COX10: variants seen among roughly 807,000 people sequenced by gnomAD.
The protein encoded by COX10 is protoheme IX farnesyltransferase, mitochondrial.
COX10 carries 27 observed loss-of-function variants against 37.3 expected under a neutral mutation model. The observed-to-expected ratio is 0.72, with a 90% CI of 0.53 to 1.00. The LOEUF (loss-of-function observed/expected upper bound fraction) is 1.00. COX10 is among the 50% of genes least tolerant of loss of function. COX10 has a pLI of 0.00. For synonymous variants in COX10, 222 were observed against 229.1 expected, an observed-to-expected ratio of 0.97 and a Z score of 0.28; for missense variants, 475 against 563.2, an observed-to-expected ratio of 0.84 and a Z score of 1.59.
chr17:14,122,004 C>T (rs961984992), intron 4 of COX10, among the ~76,000 whole-genome samples: 1 of 151,942 alleles, frequency 6.6e-6, no homozygotes, highest in Non-Finnish European at 1.5e-5. Context: ...CGGCTTGGGT[C>T]GTGTTGTTGA....
chr17:14,129,346 TG>T (rs1312993355), intron 4 of COX10, among the ~76,000 whole-genome samples: 4 of 151,996 alleles, frequency 2.6e-5, no homozygotes, highest in African/African-American at 9.7e-5. Flanking sequence ...ATAATAAATG[TG>T]TATAAATAAT....
At chr17:14,193,074 T>C (rs946697806) in intron 6 of COX10, among the ~76,000 whole-genome samples, 1 of 152,216 alleles carries the variant, frequency 6.6e-6, no homozygotes, top group Admixed American at 6.5e-5. Context: ...ATCCTGTAAA[T>C]GTCAGATTTT....
chr17:14,169,797 C>T (rs777557224), intron 5 of COX10, among the ~76,000 whole-genome samples: 1 of 152,150 alleles, frequency 6.6e-6, no homozygotes, highest in Non-Finnish European at 1.5e-5. Flanking sequence ...GTTTGTTTGT[C>T]CTCACCAAAA....
At chr17:14,189,899 T>C (rs1273485081) in intron 5 of COX10, among the ~76,000 whole-genome samples, 7 of 152,092 alleles carry the variant, frequency 4.6e-5, no homozygotes, top group Non-Finnish European at 1.0e-4. Context: ...GGTATTACCT[T>C]GGGGGAAATA....
In COX10 at chr17:14,069,533, G is replaced by T; in HGVS notation, c.-73G>T. 1.3e-6 allele frequency: 2 copies of T among 1,584,358 alleles called. No individual in the cohort carries two copies. Among genetic ancestry groups the T allele is most frequent in the Non-Finnish European group, 1.7e-6 (2 of 1,156,772 alleles). Reference sequence around the variant, plus strand: ...CTCCCACAGGGGGGCGGGGAAGGAAGATGGCGGCGCCCAGCGTCCCGTGAG... The same window carrying T: ...CTCCCACAGGGGGGCGGGGAAGGAATATGGCGGCGCCCAGCGTCCCGTGAG... On this transcript the variant is annotated 5_prime_UTR_variant, in exon 1 of 7. Transcript: ENST00000261643.
At chr17:14,081,868 A>T (rs1915302656) in intron 3 of COX10, among the ~76,000 whole-genome samples, 1 of 152,170 alleles carries the variant, frequency 6.6e-6, no homozygotes, top group Non-Finnish European at 1.5e-5. Flanking sequence ...GAAAAACTAG[A>T]TGAATGGTGG....
chr17:14,072,992 A>C (rs1280258700), intron 1 of COX10, among the ~76,000 whole-genome samples: 1 of 152,200 alleles, frequency 6.6e-6, no homozygotes, highest in African/African-American at 2.4e-5. Context: ...AAAGACAGAA[A>C]ATTTGACAGA....
rs141549844 is a variant in COX10, at chr17:14,076,951, G to T, written c.394G>T (p.Asp132Tyr). 5.6e-5 allele frequency: 91 copies of T among 1,614,088 alleles called. No individual in the cohort carries two copies. Among genetic ancestry groups the T allele is most frequent in the Non-Finnish European group, 7.0e-5 (83 of 1,180,032 alleles). Reference protein sequence around the residue: ...EPDSVIEDSIDVGKETKEEKR... With the variant: ...EPDSVIEDSIYVGKETKEEKR... ...AGACTCAGTAATTGAAGACTCAATAGATGTAGGGAAAGAGACAAAAGAGGA... is the reference window on the plus strand; with the variant it reads ...AGACTCAGTAATTGAAGACTCAATATATGTAGGGAAAGAGACAAAAGAGGA... The change falls in exon 3 of 7, where the codon GAT (aspartate) becomes TAT (tyrosine). Residue 132 changes from aspartate to tyrosine, a missense_variant. By Grantham distance (160) the Asp-to-Tyr change is radical. Around this residue, in one of 5 missense-constraint regions of COX10, gnomAD observed 242 missense variants for 242.5 expected, o/e 1.00. Transcript: ENST00000261643.
At chr17:14,184,022 C>T (rs2142257887) in intron 5 of COX10, among the ~76,000 whole-genome samples, 1 of 152,276 alleles carries the variant, frequency 6.6e-6, no homozygotes, top group Non-Finnish European at 1.5e-5. Context: ...TTTTTAAGTG[C>T]TTTATTTACA....
intron 5 of COX10, among the ~76,000 whole-genome samples, chr17:14,169,646 C>T (rs140288660): frequency 0.013 from 1,954 of 152,282 alleles, 12 homozygotes; most frequent in African/African-American, 0.023. Context: ...TCTGGCAAAT[C>T]GTTCTGGCTA....
At chr17:14,129,230 TTG>T (rs1916411435) in intron 4 of COX10, among the ~76,000 whole-genome samples, 1 of 151,958 alleles carries the variant, frequency 6.6e-6, no homozygotes, top group African/African-American at 2.4e-5. Flanking sequence ...GCTAGATATA[TTG>T]TGTTTAAATT....
At chr17:14,132,279 C>T (rs1371753618) in intron 4 of COX10, among the ~76,000 whole-genome samples, 1 of 151,896 alleles carries the variant, frequency 6.6e-6, no homozygotes, top group African/African-American at 2.4e-5. Context: ...GCCTAACATA[C>T]GTATATGATA....
At chr17:14,189,829 G>T (rs12941439) in intron 5 of COX10, among the ~76,000 whole-genome samples, 35,155 of 152,094 alleles carry the variant, frequency 0.23, 5,068 homozygotes, top group Admixed American at 0.32. Context: ...ATAAAGGCAA[G>T]GAATGTGTGT....
chr17:14,082,461 A>G (rs776264399), intron 3 of COX10, among the ~76,000 whole-genome samples: 15 of 152,210 alleles, frequency 9.9e-5, no homozygotes, highest in Non-Finnish European at 1.8e-4. Flanking sequence ...CTATTTTAAA[A>G]TAATTTTAAG....
chr17:14,074,399 C>T lies in COX10; in HGVS notation c.120C>T (p.Leu40=). 1 of 1,613,904 alleles carries T rather than the reference C, an allele frequency of 6.2e-7. No individual in the cohort carries two copies. Among genetic ancestry groups the T allele is most frequent in the Non-Finnish European group, 8.5e-7 (1 of 1,179,794 alleles). ...CCCCTCACAAGTTCTTACATCTTCT[C>T]AGGAATGTCAATAAGCAGTGGATTA... The part of the protein sequence containing the change: ...QDSPHKFLHL[L]RNVNKQWITF... Residue 40 remains leucine, a synonymous_variant, in exon 2 of 7, where the codon CTC becomes CTT. Transcript: ENST00000261643.
rs117411269 is a variant in COX10 at position 14,197,831 on chromosome 17, C to T, written c.928+5610C>T. ...TTCTGTCAGGGTAGTCAGGACTCTG[C>T]GGCCCAGCTGCTTCTGTGCACAGGA... On this transcript the variant is annotated intron_variant, in intron 6 of 6. Transcript: ENST00000261643. Among the ~76,000 whole-genome samples, 397 of 152,322 alleles carry T rather than the reference C, an allele frequency of 2.6e-3. 3 individuals are homozygous for T. Among genetic ancestry groups the T allele is most frequent in the Non-Finnish European group, 4.5e-3 (309 of 68,038 alleles).
At chr17:14,119,214 G>T (rs1916177224) in intron 4 of COX10, among the ~76,000 whole-genome samples, 1 of 152,124 alleles carries the variant, frequency 6.6e-6, no homozygotes, top group Admixed American at 6.5e-5. Flanking sequence ...CTCTGCTCTT[G>T]TGATTGCCAA....
chr17:14,135,688 A>T lies in COX10; in HGVS notation c.625-24189A>T, dbSNP rs78610828. On this transcript the variant is annotated intron_variant, in intron 4 of 6. Coordinates refer to ENST00000261643, the MANE Select transcript of COX10 (RefSeq NM_001303.4). ...AACATCGTTTTGTTTTCCAAAAATA[A>T]ATTTTTATTCAAATATGGAATTACT... 1.7e-4 allele frequency among the ~76,000 whole-genome samples: 26 copies of T among 152,082 alleles called. No homozygotes were observed. In the East Asian group the frequency reaches 5.0e-3, roughly 29 times the overall value.
intron 6 of COX10, among the ~76,000 whole-genome samples, chr17:14,197,332 A>AG (rs1471247612): frequency 6.6e-6 from 1 of 152,276 alleles, no homozygotes; most frequent in East Asian, 1.9e-4. Context: ...TAAGAATTCC[A>AG]GGGGGCCTTG....
Sources: allele counts gnomAD v4.1 joint callset (sites outside exome capture counted in the v4.1 genomes callset), GRCh38; gene constraint gnomAD v4.1.1; regional missense constraint gnomAD v4.1.1; transcripts MANE v1.5; gene names NCBI Gene and HGNC (gene_info 2026-07-23, HGNC 2026-07-21).